LIPG: variants seen among roughly 807,000 people sequenced by gnomAD.
LIPG encodes endothelial lipase.
Under a neutral mutation model 51.8 loss-of-function variants are expected in LIPG, and 34 were observed. The observed-to-expected ratio is 0.66, with a 90% CI of 0.50 to 0.87. The LOEUF (loss-of-function observed/expected upper bound fraction) is 0.87, where lower values mean the gene tolerates loss of function less well. Ranked by LOEUF, LIPG falls within the 40% of genes least tolerant of loss-of-function variation. The pLI is 0.00. For missense variants in LIPG, 580 were observed against 652.7 expected (o/e 0.89, Z 1.21); for synonymous variants, 246 against 246.1 (o/e 1.00, Z 0.00).
Position 49,583,900 on chromosome 18 carries a change from A to G in LIPG, c.1376+126A>G, listed in dbSNP as rs184281707. 254 of 838,122 alleles carry G rather than the reference A, an allele frequency of 3.0e-4. 1 individual carries two copies. Among genetic ancestry groups the G allele is most frequent in the Middle Eastern group, 1.5e-3 (4 of 2,750 alleles). 51.9% of individuals were successfully genotyped at this position (838,122 alleles called of 1,614,324 possible). ...CCCTCCAGCATGCAGGTAAAACTTC[A>G]AACACCTTTGCAAGGACAAGTGACT... On this transcript the variant is annotated intron_variant, in intron 8 of 9. Transcript: ENST00000261292.
rs1384959202 is a variant in LIPG, at chr18:49,593,729, CCTCTT to C, written c.*3208_*3212del. 1 of 152,220 alleles carries C rather than the reference CCTCTT, an allele frequency of 6.6e-6. No individual in the cohort carries two copies. Among genetic ancestry groups the C allele is most frequent in the Non-Finnish European group, 1.5e-5 (1 of 68,048 alleles). 9.4% of individuals were successfully genotyped at this position (152,220 alleles called of 1,614,324 possible). On this transcript the variant is annotated 3_prime_UTR_variant, in exon 10 of 10. Transcript: ENST00000261292. ...AGAAAAGGGAAGGGATGAACAGTCT[CCTCTT>C]AAAGACATGACTGAGAAGTTGCTTA...
At chr18:49,575,845 T>C (rs546359430) in intron 5 of LIPG, among the ~76,000 whole-genome samples, 142 of 151,732 alleles carry the variant, frequency 9.4e-4, no homozygotes, top group African/African-American at 3.3e-3. Flanking sequence ...TTCTTTCTTT[T>C]TTTTTTTTTT....
Position 49,596,682 on chromosome 18 carries a change from A to G in LIPG, c.*6160A>G, listed in dbSNP as rs1311422269. 6.7e-6 allele frequency: 1 copy of G among 149,628 alleles called. No homozygotes were observed. Among genetic ancestry groups the G allele is most frequent in the East Asian group, 2.0e-4 (1 of 5,114 alleles). The allele number at this position is 149,628 out of a possible 1,614,324, so 9.3% of individuals were successfully genotyped here. ...AAGGCCACAGAAATGTCCATCCAGC[A>G]GGTGGACAATTACCCTTTTGTCAGC... On this transcript the variant is annotated 3_prime_UTR_variant, in exon 10 of 10. Coordinates refer to ENST00000261292, the MANE Select transcript of LIPG (RefSeq NM_006033.4).
At chr18:49,579,652 C>T (rs2084792099) in intron 5 of LIPG, among the ~76,000 whole-genome samples, 1 of 152,100 alleles carries the variant, frequency 6.6e-6, no homozygotes, top group Non-Finnish European at 1.5e-5. Flanking sequence ...CAGTCTTTCC[C>T]TCTCCCGGTT....
chr18:49,561,703 G>A (rs900020733), upstream of LIPG: 15 of 1,244,694 alleles, frequency 1.2e-5, no homozygotes, highest in African/African-American at 2.0e-4. Flanking sequence ...CCTTCTCCAG[G>A]GATCGCCTCC....
Position 49,590,644 on chromosome 18 carries a change from C to A in LIPG, c.*122C>A. The A allele has an allele frequency of 9.7e-7, 1 of 1,032,538 alleles. No homozygotes were observed. Among genetic ancestry groups the A allele is most frequent in the Non-Finnish European group, 1.5e-6 (1 of 678,748 alleles). 64.0% of individuals were successfully genotyped at this position (1,032,538 alleles called of 1,614,324 possible). A position where few individuals can be genotyped will look rare whatever the true frequency, so the allele number is the denominator to read the frequency against. The stretch of plus-strand genomic sequence containing the variant: ...ATTCTTCTCAGCCTTGACCCTGGAG[C>A]ACTGGGAACAACTGGTCTCCTGTGA... On this transcript the variant is annotated 3_prime_UTR_variant, in exon 10 of 10. Transcript: ENST00000261292.
chr18:49,573,448 C>T (rs1257180291), intron 4 of LIPG, among the ~76,000 whole-genome samples: 1 of 152,028 alleles, frequency 6.6e-6, no homozygotes, highest in Non-Finnish European at 1.5e-5. Flanking sequence ...GGTGCAGTGG[C>T]TTATGCCTGT....
chr18:49,589,586 C>T (rs937200623), intron 9 of LIPG: 1 of 152,530 alleles, frequency 6.6e-6, no homozygotes, highest in Non-Finnish European at 1.5e-5. Context: ...CCTCAGCCTC[C>T]TGAGTAGCTT....
intron 5 of LIPG, 73 bp from the exon 6 acceptor site, chr18:49,581,342 A>G (rs1330318897): frequency 3.2e-6 from 5 of 1,567,192 alleles, no homozygotes; most frequent in Non-Finnish European, 4.4e-6. Flanking sequence ...TGAGGAGTAC[A>G]GTATTTATTA....
At chr18:49,587,828 C>A (rs1025964365) in intron 9 of LIPG, among the ~76,000 whole-genome samples, 1 of 151,432 alleles carries the variant, frequency 6.6e-6, no homozygotes, top group Non-Finnish European at 1.5e-5. Flanking sequence ...TACTCTGTTA[C>A]CCAGGCTGGA....
chr18:49,590,331 G>A, intron 9 of LIPG, 170 bp from the exon 10 acceptor site: 1 of 746,708 alleles, frequency 1.3e-6, no homozygotes, highest in South Asian at 1.5e-5. Flanking sequence ...GGGAGAGAAG[G>A]CAGCACTCGG....
upstream of LIPG, chr18:49,561,797 G>A (rs1036577313): frequency 1.1e-5 from 14 of 1,256,220 alleles, no homozygotes; most frequent in Middle Eastern, 3.0e-4. Flanking sequence ...GTGTCCGGAG[G>A]AGGGCAGTGG....
At position 49,575,563 on chromosome 18, in the gene LIPG, G is replaced by A. The variant is rs750648857; in HGVS notation, c.766G>A (p.Asp256Asn). 10 of 1,613,998 alleles carry A rather than the reference G, an allele frequency of 6.2e-6. No homozygotes were observed. The highest frequency in any genetic ancestry group is 4.5e-5 in the East Asian group (2 of 44,886). The change falls in exon 5 of 10, where the codon GAT becomes AAT. Residue 256 changes from aspartate to asparagine, a missense_variant. Coordinates refer to ENST00000261292, the MANE Select transcript of LIPG (RefSeq NM_006033.4). ...GDFQPGCGLNDVLGSIAYGTI... is the reference protein window; with the variant it reads ...GDFQPGCGLNNVLGSIAYGTI... ...CTTCCAGCCAGGCTGTGGACTCAAC[G>A]ATGTCTTGGGATCAATTGCATATGG...
At chr18:49,573,670 T>C (rs554469598) in intron 4 of LIPG, among the ~76,000 whole-genome samples, 1 of 152,370 alleles carries the variant, frequency 6.6e-6, no homozygotes, top group South Asian at 2.1e-4. Context: ...TAATGAGTTC[T>C]GCAAGTTGAC....
At chr18:49,588,396 C>A (rs1375823767) in intron 9 of LIPG, among the ~76,000 whole-genome samples, 1 of 151,476 alleles carries the variant, frequency 6.6e-6, no homozygotes, top group African/African-American at 2.4e-5. Context: ...GATTCTCCTT[C>A]CTCAACCTTC....
In LIPG at chr18:49,597,454, A is replaced by G. The variant is rs1309674277; in HGVS notation, c.*6932A>G. 1 of 152,226 alleles carries G rather than the reference A, an allele frequency of 6.6e-6. No homozygotes were observed. Among genetic ancestry groups the G allele is most frequent in the East Asian group, 1.9e-4 (1 of 5,204 alleles). 9.4% of individuals were successfully genotyped at this position (152,226 alleles called of 1,614,324 possible). On this transcript the variant is annotated 3_prime_UTR_variant, in exon 10 of 10. Coordinates refer to ENST00000261292, the MANE Select transcript of LIPG (RefSeq NM_006033.4). Reference sequence around the variant, plus strand: ...TTGGGGGTGGCCTCTCCTAAAAAAGACTAATATGTAAATAAAAGGAATAAG... The same window carrying G: ...TTGGGGGTGGCCTCTCCTAAAAAAGGCTAATATGTAAATAAAAGGAATAAG...
rs993793775 is a variant in LIPG at position 49,590,424 on chromosome 18, A to G, written c.1482-77A>G. ...GAAAGCTTGGCCTTAAGGTCAAAAG[A>G]GCACACCCTGAATACAGGTTTGCGC... On this transcript the variant is annotated intron_variant, in intron 9 of 9. Transcript: ENST00000261292. 8 of 1,498,174 alleles carry G rather than the reference A, an allele frequency of 5.3e-6. No individual in the cohort carries two copies. In the African/African-American group the frequency reaches 5.5e-5, roughly 10 times the overall value. 92.8% of individuals were successfully genotyped at this position (1,498,174 alleles called of 1,614,324 possible). A position where few individuals can be genotyped will look rare whatever the true frequency, so the allele number is the denominator to read the frequency against.
intron 8 of LIPG, among the ~76,000 whole-genome samples, chr18:49,586,249 C>T (rs1412174721): frequency 1.3e-5 from 2 of 152,172 alleles, no homozygotes; most frequent in African/African-American, 4.8e-5. Flanking sequence ...TTGAATCACT[C>T]CGTTCAAGTT....
chr18:49,573,142 C>A (rs568477810), intron 4 of LIPG, among the ~76,000 whole-genome samples: 1 of 152,344 alleles, frequency 6.6e-6, no homozygotes, highest in East Asian at 1.9e-4. Flanking sequence ...ATGGCACTGA[C>A]CGTCTGGTGG....
Sources: allele counts gnomAD v4.1 joint callset (sites outside exome capture counted in the v4.1 genomes callset), GRCh38; gene constraint gnomAD v4.1.1; transcripts MANE v1.5; gene names NCBI Gene and HGNC (gene_info 2026-07-23, HGNC 2026-07-21).